The following WRAP73 variants were observed in gnomAD, a reference collection of about 807,000 sequenced individuals.
The protein encoded by WRAP73 is WD repeat-containing protein WRAP73.
Under a neutral mutation model 59.6 loss-of-function variants are expected in WRAP73, and 55 were observed. That is an observed-to-expected ratio of 0.92 (90% confidence interval 0.74 to 1.15). The LOEUF (loss-of-function observed/expected upper bound fraction) is 1.15. Ranked by LOEUF, WRAP73 falls within the 50% of genes most tolerant of loss-of-function variation. The pLI is 0.00. For missense variants in WRAP73, 592 were observed against 608.1 expected, an observed-to-expected ratio of 0.97 and a Z score of 0.28; for synonymous variants, 265 against 258.2, an observed-to-expected ratio of 1.03 and a Z score of -0.25.
chr1:3,634,577 G>T, intron 8 of WRAP73: 1 of 213,330 alleles, frequency 4.7e-6, no homozygotes, highest in South Asian at 7.3e-5. Context: ...CCCCTTCCCT[G>T]TCTCTCCAGC....
chr1:3,645,035 G>A (rs765807841), intron 3 of WRAP73, among the ~76,000 whole-genome samples: 6 of 152,208 alleles, frequency 3.9e-5, no homozygotes, highest in African/African-American at 9.6e-5. Flanking sequence ...TACATAGTGC[G>A]GAGACATTGG....
chr1:3,649,813 G>C, intron 1 of WRAP73, 118 bp downstream of exon 1: 1 of 1,111,644 alleles, frequency 9.0e-7, no homozygotes, highest in Non-Finnish European at 1.3e-6. Flanking sequence ...ACCTGTCCGG[G>C]CACCGCACCT....
intron 1 of WRAP73, among the ~76,000 whole-genome samples, chr1:3,649,434 T>C (rs958415649): frequency 1.3e-4 from 20 of 152,218 alleles, no homozygotes; most frequent in African/African-American, 4.6e-4. Flanking sequence ...GAATCATCAA[T>C]TTGCCTTTTG....
rs34514629 is a variant in WRAP73, at chr1:3,646,948, GC to G, written c.223-167del. 0.57 allele frequency among the ~76,000 whole-genome samples: 86,219 copies of G among 151,982 alleles called. 25,175 individuals carry two copies. The highest frequency in any genetic ancestry group is 0.66 in the Non-Finnish European group (44,643 of 67,938). On this transcript the variant is annotated intron_variant, in intron 2 of 11. Transcript: ENST00000270708. The surrounding 1 kb of genome is among the most constrained non-coding windows in gnomAD (Gnocchi z 5.1). Reference sequence around the variant, plus strand: ...CCGAGAGACAACTCCCTTAAAACCAGCAGAGACCCGATCACACAGGGTGTCT... The same window carrying G: ...CCGAGAGACAACTCCCTTAAAACCAGAGAGACCCGATCACACAGGGTGTCT...
At chr1:3,640,912 C>T (rs1264378387) in intron 3 of WRAP73, among the ~76,000 whole-genome samples, 1 of 152,224 alleles carries the variant, frequency 6.6e-6, no homozygotes, top group Non-Finnish European at 1.5e-5. Flanking sequence ...TGGGGTGCGC[C>T]TGGCCGAGGC....
chr1:3,642,672 G>A (rs1200801462), intron 3 of WRAP73, among the ~76,000 whole-genome samples: 1 of 150,412 alleles, frequency 6.6e-6, no homozygotes, highest in African/African-American at 2.5e-5. Flanking sequence ...GGGAGGCGTA[G>A]GTTGCGGTGA....
intron 10 of WRAP73, 48 bp from the exon 11 acceptor site, chr1:3,631,705 C>CT: frequency 7.7e-6 from 12 of 1,552,186 alleles, no homozygotes; most frequent in Non-Finnish European, 1.0e-5. Flanking sequence ...CCTGGCTCCT[C>CT]TGTGTTGGCC....
Position 3,647,534 on chromosome 1 carries a change from C to A in WRAP73, c.96G>T (p.Val32=). ...TCTGAAGGGTGTTCACATCCCGGAC[C>A]ACTAACCGGTACTGGACACAGGAAG... ...YLASCVQYRL[V]VRDVNTLQIL... is the part of the protein sequence containing the mutation. The change falls in exon 2 of 12, where the codon GTG becomes GTT. Residue 32 remains valine, a synonymous_variant. Coordinates refer to ENST00000270708, the MANE Select transcript of WRAP73 (RefSeq NM_017818.4). The A allele has an allele frequency of 6.2e-7, 1 of 1,613,878 alleles. No individual in the cohort carries two copies. Among genetic ancestry groups the A allele is most frequent in the Non-Finnish European group, 8.5e-7 (1 of 1,179,950 alleles).
intron 6 of WRAP73, chr1:3,635,740 G>A (rs973092540): frequency 3.6e-6 from 2 of 557,206 alleles, no homozygotes; most frequent in Non-Finnish European, 6.4e-6. Flanking sequence ...AGGATCACTT[G>A]AGTCCAGGAG....
At chr1:3,631,862 C>T in intron 10 of WRAP73, 2 of 1,402,180 alleles carry the variant, frequency 1.4e-6, no homozygotes, top group Non-Finnish European at 1.8e-6. Flanking sequence ...TGTAAGGGGC[C>T]CAAATGTGTT....
intron 6 of WRAP73, 29 bp from the exon 7 acceptor site, chr1:3,635,323 G>A (rs1410530421): frequency 6.8e-6 from 11 of 1,612,662 alleles, no homozygotes; most frequent in South Asian, 2.2e-5. Flanking sequence ...AGTTAATAAT[G>A]AATACACCCC....
chr1:3,645,581 C>G (rs1644682934), intron 3 of WRAP73, among the ~76,000 whole-genome samples: 1 of 152,244 alleles, frequency 6.6e-6, no homozygotes, highest in South Asian at 2.1e-4. Context: ...GCAGCCCAGA[C>G]AGCTATGAGC....
chr1:3,635,597 G>A (rs935154338), intron 6 of WRAP73: 1 of 492,958 alleles, frequency 2.0e-6, no homozygotes, highest in South Asian at 2.3e-5. Context: ...GAAGCTGGCA[G>A]ATCACTTGAA....
At chr1:3,640,600 C>G (rs79100318) in intron 3 of WRAP73, among the ~76,000 whole-genome samples, 7 of 112,082 alleles carry the variant, frequency 6.2e-5, no homozygotes, top group Admixed American at 1.8e-4. Flanking sequence ...TGGAACGCCC[C>G]AGGCTCTGAG....
intron 3 of WRAP73, among the ~76,000 whole-genome samples, chr1:3,640,376 C>A (rs1283925195): frequency 1.3e-5 from 2 of 152,218 alleles, no homozygotes; most frequent in African/African-American, 4.8e-5. Flanking sequence ...GGTGCAGCGC[C>A]TGAGGCTCTG....
At chr1:3,633,795 G>A (rs754303920) in intron 8 of WRAP73, 30 of 350,968 alleles carry the variant, frequency 8.5e-5, no homozygotes, top group Non-Finnish European at 1.2e-4. Context: ...ATCCAGCAAG[G>A]GAGTGGGCTC....
intron 4 of WRAP73, among the ~76,000 whole-genome samples, chr1:3,638,475 G>A (rs1046685617): frequency 3.3e-5 from 5 of 152,258 alleles, no homozygotes; most frequent in Non-Finnish European, 7.3e-5. Flanking sequence ...CAAGGGGACC[G>A]GCATCAACGC....
At position 3,638,779 on chromosome 1, in the gene WRAP73, T is replaced by G; in HGVS notation, c.383A>C (p.Tyr128Ser). ...CAGACAAGCTTTCGGGTATTTGATG[T>G]AAGACACGGATTTTGTGCACAAGGA... The part of the protein sequence containing the change: ...VWSLCTKSVS[Y>S]IKYPKACLQG... Residue 128 changes from tyrosine to serine, a missense_variant, in exon 4 of 12, where the codon TAC (tyrosine) becomes TCC (serine). Tyr to Ser is a moderately radical substitution (Grantham distance 144). Coordinates refer to ENST00000270708, the MANE Select transcript of WRAP73 (RefSeq NM_017818.4). 1.2e-6 allele frequency: 2 copies of G among 1,614,186 alleles called. No individual in the cohort carries two copies. The highest frequency in any genetic ancestry group is 1.7e-6 in the Non-Finnish European group (2 of 1,180,014).
intron 10 of WRAP73, 87 bp from the exon 11 acceptor site, chr1:3,631,744 C>T: frequency 6.6e-7 from 1 of 1,506,786 alleles, no homozygotes; most frequent in South Asian, 1.3e-5. Context: ...GTTGACACCA[C>T]AGGAGGGGAG....
Sources: allele counts gnomAD v4.1 joint callset (sites outside exome capture counted in the v4.1 genomes callset), GRCh38; gene constraint gnomAD v4.1.1; non-coding constraint Gnocchi (gnomAD v3.1); transcripts MANE v1.5; gene names NCBI Gene and HGNC (gene_info 2026-07-23, HGNC 2026-07-21).